Variants in NAT1 observed in about 807,000 individuals in gnomAD.
NAT1 encodes the protein arylamine N-acetyltransferase 1.
For synonymous variants in NAT1, 144 were observed against 122.6 expected (o/e 1.17, Z -1.16); for missense variants, 400 against 339.2 (o/e 1.18, Z -1.41).
upstream of NAT1, among the ~76,000 whole-genome samples, chr8:18,206,125 T>C (rs1803708014): frequency 6.6e-6 from 1 of 152,200 alleles, no homozygotes. Flanking sequence ...GTGTCTATGG[T>C]GGCTGAAGGG....
intron 2 of NAT1, among the ~76,000 whole-genome samples, chr8:18,189,067 T>C: frequency 6.7e-6 from 1 of 149,022 alleles, no homozygotes; most frequent in Non-Finnish European, 1.5e-5. Context: ...ATCTGCAGAG[T>C]ATTTGTCCCT....
intron 1 of NAT1, among the ~76,000 whole-genome samples, chr8:18,217,946 G>C (rs939236069): frequency 6.6e-6 from 1 of 152,154 alleles, no homozygotes; most frequent in Non-Finnish European, 1.5e-5. Context: ...CTAGGCAGGG[G>C]TTTCTTTGGA....
chr8:18,218,215 G>C (rs1804895978), intron 1 of NAT1, among the ~76,000 whole-genome samples: 1 of 152,102 alleles, frequency 6.6e-6, no homozygotes, highest in South Asian at 2.1e-4. Flanking sequence ...GTACTAAATT[G>C]TGGTACGTTG....
At chr8:18,202,931 T>C (rs1803536648) in intron 2 of NAT1, among the ~76,000 whole-genome samples, 1 of 152,150 alleles carries the variant, frequency 6.6e-6, no homozygotes, top group Non-Finnish European at 1.5e-5. Context: ...GAGGCGCTGA[T>C]TGGTCCATTT....
intron 2 of NAT1, among the ~76,000 whole-genome samples, chr8:18,199,840 TA>T (rs1276612501): frequency 3.9e-5 from 6 of 152,118 alleles, no homozygotes; most frequent in Admixed American, 3.9e-4. Context: ...ACAGCCACAT[TA>T]AAAGATGGGA....
intron 1 of NAT1, 69 bp from the exon 2 acceptor site, chr8:18,219,342 C>G: frequency 1.8e-6 from 2 of 1,091,030 alleles, no homozygotes; most frequent in Non-Finnish European, 2.7e-6. Flanking sequence ...TTACGGTCTA[C>G]AAAACTATTA....
chr8:18,188,038 T>C (rs1802816565), intron 2 of NAT1, among the ~76,000 whole-genome samples: 2 of 152,008 alleles, frequency 1.3e-5, no homozygotes, highest in African/African-American at 4.8e-5. Flanking sequence ...TAAAGCTATG[T>C]TGTCTTCTTC....
intron 2 of NAT1, among the ~76,000 whole-genome samples, chr8:18,189,835 G>C (rs1019820494): frequency 1.3e-5 from 2 of 152,160 alleles, no homozygotes; most frequent in Non-Finnish European, 2.9e-5. Flanking sequence ...TGTTACCCAG[G>C]CTGGAGTGCA....
intron 2 of NAT1, among the ~76,000 whole-genome samples, chr8:18,203,288 C>T (rs114725630): frequency 1.4e-3 from 210 of 152,220 alleles, no homozygotes; most frequent in African/African-American, 4.9e-3. Flanking sequence ...ACCTCAGATG[C>T]CTTTTATGTC....
intron 2 of NAT1, among the ~76,000 whole-genome samples, chr8:18,204,098 C>T (rs1803597930): frequency 1.3e-5 from 2 of 152,244 alleles, no homozygotes; most frequent in South Asian, 2.1e-4. Flanking sequence ...AATCAGACAC[C>T]ACTTTCTCCT....
chr8:18,175,579 T>C (rs138596343), intron 2 of NAT1, among the ~76,000 whole-genome samples: 5 of 152,150 alleles, frequency 3.3e-5, no homozygotes, highest in Non-Finnish European at 7.4e-5. Context: ...TATTCCATTG[T>C]GTAATATAGT....
intron 2 of NAT1, among the ~76,000 whole-genome samples, chr8:18,190,776 A>G (rs976020143): frequency 6.6e-6 from 1 of 152,060 alleles, no homozygotes; most frequent in African/African-American, 2.4e-5. Flanking sequence ...ATAGATAGGT[A>G]ATAAACAGGG....
chr8:18,206,373 G>T (rs1803720903), upstream of NAT1, among the ~76,000 whole-genome samples: 1 of 152,102 alleles, frequency 6.6e-6, no homozygotes, highest in Non-Finnish European at 1.5e-5. Context: ...TCGGTCCCTT[G>T]GTGGCAGCTG....
At chr8:18,172,588 G>C (rs1274166881) in intron 2 of NAT1, among the ~76,000 whole-genome samples, 2 of 152,106 alleles carry the variant, frequency 1.3e-5, no homozygotes, top group Non-Finnish European at 2.9e-5. Flanking sequence ...TTACTCTGGT[G>C]GTTCAAATTC....
intron 2 of NAT1, among the ~76,000 whole-genome samples, chr8:18,170,973 G>A (rs905505850): frequency 6.6e-6 from 1 of 152,028 alleles, no homozygotes; most frequent in African/African-American, 2.4e-5. Flanking sequence ...TTAAGTTAGA[G>A]TCTGAACAGG....
At chr8:18,181,359 T>C (rs893721588) in intron 2 of NAT1, among the ~76,000 whole-genome samples, 4 of 152,144 alleles carry the variant, frequency 2.6e-5, no homozygotes, top group African/African-American at 9.7e-5. Context: ...AAAATAACCA[T>C]GACATTCTTC....
At chr8:18,197,770 T>C (rs1411973604) in intron 2 of NAT1, among the ~76,000 whole-genome samples, 2 of 152,168 alleles carry the variant, frequency 1.3e-5, no homozygotes, top group African/African-American at 4.8e-5. Context: ...AGATTAATCA[T>C]GGTAATCCCA....
At chr8:18,219,693 T>G (rs28359528) in intron 2 of NAT1, among the ~76,000 whole-genome samples, 2,758 of 152,356 alleles carry the variant, frequency 0.018, 49 homozygotes, top group Middle Eastern at 0.085. Flanking sequence ...GCATTCCACC[T>G]TGAAGCACAA....
chr8:18,189,009 A>AG (rs1554469684), intron 2 of NAT1, among the ~76,000 whole-genome samples: 2 of 149,146 alleles, frequency 1.3e-5, no homozygotes, highest in East Asian at 3.9e-4. Flanking sequence ...AAAAAAAAAA[A>AG]AAAGAAAGAA....
Sources: allele counts gnomAD v4.1 joint callset (sites outside exome capture counted in the v4.1 genomes callset), GRCh38; gene constraint gnomAD v4.1.1; transcripts MANE v1.5; gene names NCBI Gene and HGNC (gene_info 2026-07-23, HGNC 2026-07-21).